Variants in UBE2E3 observed in about 807,000 individuals in gnomAD.
The protein encoded by UBE2E3 is ubiquitin-conjugating enzyme E2 E3.
A neutral mutation model predicts 23.6 loss-of-function variants in UBE2E3; 5 were observed. That is an observed-to-expected ratio of 0.21 (90% CI 0.11 to 0.44). The LOEUF (loss-of-function observed/expected upper bound fraction) is 0.44, where lower values mean the gene tolerates loss of function less well. Among genes scored for constraint, UBE2E3 ranks in the 20% least tolerant of loss-of-function variants. The probability of loss-of-function intolerance (pLI) is 0.99; values close to 1 mark genes in which losing one functional copy is unlikely to be tolerated. For missense variants in UBE2E3, 81 were observed against 249.8 expected (o/e 0.32, Z 4.55); for synonymous variants, 78 against 87.5 (o/e 0.89, Z 0.60).
At chr2:181,008,211 C>T (rs1216116411) in intron 3 of UBE2E3, among the ~76,000 whole-genome samples, 4 of 152,146 alleles carry the variant, frequency 2.6e-5, no homozygotes, top group Admixed American at 2.6e-4. Context: ...TTTGTTTCTT[C>T]TGCATGAGGA....
At chr2:181,027,319 T>G (rs750087455) in intron 3 of UBE2E3, among the ~76,000 whole-genome samples, 2 of 151,942 alleles carry the variant, frequency 1.3e-5, no homozygotes, top group Non-Finnish European at 2.9e-5. Flanking sequence ...ATCCTGCTTT[T>G]TGCTTTTCTG....
At chr2:180,987,300 T>C (rs1159285845) in intron 3 of UBE2E3, 1 of 1,545,968 alleles carries the variant, frequency 6.5e-7, no homozygotes, top group Non-Finnish European at 8.7e-7. Context: ...TGTTTAGTGA[T>C]GTGTTATTAA....
chr2:181,006,278 G>A (rs1349994733), intron 3 of UBE2E3, among the ~76,000 whole-genome samples: 7 of 152,048 alleles, frequency 4.6e-5, no homozygotes, highest in African/African-American at 1.7e-4. Context: ...TTAGGTTTAA[G>A]GCCATAGAGT....
At chr2:180,985,721 A>G (rs1684443655) in intron 3 of UBE2E3, among the ~76,000 whole-genome samples, 1 of 152,130 alleles carries the variant, frequency 6.6e-6, no homozygotes, top group Non-Finnish European at 1.5e-5. Flanking sequence ...GATATTTCCC[A>G]TTATGAAAAA....
chr2:181,017,844 C>T (rs1262879126), intron 3 of UBE2E3, among the ~76,000 whole-genome samples: 1 of 149,880 alleles, frequency 6.7e-6, no homozygotes, highest in Non-Finnish European at 1.5e-5. Context: ...GTTTAAGATG[C>T]TTTTTTAAAG....
chr2:181,013,431 C>T (rs907569243), intron 3 of UBE2E3, among the ~76,000 whole-genome samples: 5 of 150,658 alleles, frequency 3.3e-5, no homozygotes, highest in Non-Finnish European at 1.5e-5. Flanking sequence ...CAAGGTGGCT[C>T]ACTCACATAA....
intron 3 of UBE2E3, among the ~76,000 whole-genome samples, chr2:180,995,531 T>A (rs894023627): frequency 2.0e-5 from 3 of 152,138 alleles, no homozygotes; most frequent in Non-Finnish European, 4.4e-5. Context: ...GAAGTTATAC[T>A]CAGGTTTTTT....
intron 3 of UBE2E3, among the ~76,000 whole-genome samples, chr2:181,030,232 T>C (rs189622861): frequency 3.9e-5 from 6 of 152,274 alleles, no homozygotes; most frequent in Admixed American, 1.3e-4. Flanking sequence ...GAATACTTTA[T>C]CTACTAAAGT....
intron 3 of UBE2E3, among the ~76,000 whole-genome samples, chr2:181,005,112 G>C (rs138933530): frequency 5.9e-5 from 9 of 152,310 alleles, no homozygotes; most frequent in Non-Finnish European, 1.2e-4. Flanking sequence ...ACATAAATTT[G>C]TTGGCTCACA....
intron 3 of UBE2E3, among the ~76,000 whole-genome samples, chr2:181,032,588 ATTCTT>A (rs1476341786): frequency 6.6e-6 from 1 of 152,130 alleles, no homozygotes; most frequent in Non-Finnish European, 1.5e-5. Flanking sequence ...CTTATTCTTT[ATTCTT>A]AACTCCAGAT....
At chr2:181,062,172 A>G (rs1257109542) in intron 5 of UBE2E3, among the ~76,000 whole-genome samples, 1 of 150,800 alleles carries the variant, frequency 6.6e-6, no homozygotes, top group Admixed American at 6.6e-5. Flanking sequence ...AGGAAGGAAG[A>G]TAGTTTTTTT....
At chr2:181,034,641 C>T (rs1417995687) in intron 3 of UBE2E3, among the ~76,000 whole-genome samples, 1 of 151,972 alleles carries the variant, frequency 6.6e-6, no homozygotes, top group Non-Finnish European at 1.5e-5. Flanking sequence ...CGAACCTGCA[C>T]GTTGTGCACA....
chr2:181,033,916 A>G lies in UBE2E3; in HGVS notation c.246-23777A>G, dbSNP rs541177717. Among the ~76,000 whole-genome samples, 146 of 152,342 alleles carry G rather than the reference A, an allele frequency of 9.6e-4. No individual in the cohort carries two copies. In the Middle Eastern group the frequency reaches 0.014, roughly 14 times the overall value. On this transcript the variant is annotated intron_variant, in intron 3 of 5. Transcript: ENST00000410062. Reference sequence around the variant, plus strand: ...GAAGACATTTATGCAGCCAAAAGACACATGAAAAAATGCTCATCATCACTG... The same window carrying G: ...GAAGACATTTATGCAGCCAAAAGACGCATGAAAAAATGCTCATCATCACTG...
At chr2:181,005,378 T>C (rs1167632712) in intron 3 of UBE2E3, among the ~76,000 whole-genome samples, 1 of 152,222 alleles carries the variant, frequency 6.6e-6, no homozygotes. Context: ...GAGTATATTA[T>C]ATCCATATGG....
At chr2:181,000,659 A>G (rs1236051407) in intron 3 of UBE2E3, among the ~76,000 whole-genome samples, 1 of 149,774 alleles carries the variant, frequency 6.7e-6, no homozygotes, top group African/African-American at 2.5e-5. Context: ...GGTTCACGCC[A>G]TTCTCCTGCC....
At chr2:180,998,831 A>G (rs1252295073) in intron 3 of UBE2E3, among the ~76,000 whole-genome samples, 1 of 152,176 alleles carries the variant, frequency 6.6e-6, no homozygotes, top group African/African-American at 2.4e-5. Flanking sequence ...AAAAATCGTC[A>G]ACGGCAGTTC....
intron 3 of UBE2E3, among the ~76,000 whole-genome samples, chr2:181,040,675 A>C (rs1686459261): frequency 6.6e-6 from 1 of 152,234 alleles, no homozygotes; most frequent in African/African-American, 2.4e-5. Flanking sequence ...CAGATGGATC[A>C]TAGGTAAAAA....
chr2:180,997,253 AT>A (rs1043659547), intron 3 of UBE2E3, among the ~76,000 whole-genome samples: 1 of 145,662 alleles, frequency 6.9e-6, no homozygotes, highest in African/African-American at 2.6e-5. Context: ...ATCTCTATTT[AT>A]TTTTTTTCTG....
chr2:180,993,465 C>G (rs550612375), intron 3 of UBE2E3, among the ~76,000 whole-genome samples: 2 of 152,276 alleles, frequency 1.3e-5, no homozygotes, highest in East Asian at 1.9e-4. Context: ...AAAGACATCT[C>G]TAGTCCAAAA....
Sources: gnomAD v4.1 joint callset for allele counts (sites outside exome capture counted in the v4.1 genomes callset) on GRCh38, gnomAD v4.1.1 for gene constraint, MANE v1.5 for transcripts, NCBI Gene and HGNC (gene_info 2026-07-23, HGNC 2026-07-21) for gene names.